Variants in RTN4 observed in about 807,000 individuals in gnomAD.
The protein encoded by RTN4 is reticulon 4, also known as reticulon-4.
In RTN4, 32 loss-of-function variants were observed where a neutral mutation model predicts 90.4. The ratio of observed to expected loss-of-function variants is 0.35; its 90% CI spans 0.27 to 0.48. The LOEUF is 0.48. Ranked by LOEUF, RTN4 falls within the 20% of genes least tolerant of loss-of-function variation. The probability of loss-of-function intolerance (pLI) is 0.99; values close to 1 mark genes in which losing one functional copy is unlikely to be tolerated. For missense variants in RTN4, 1,706 were observed against 1,430.2 expected (o/e 1.19, Z -3.11); for synonymous variants, 629 against 552.5 (o/e 1.14, Z -1.94).
chr2:55,040,927 A>G (rs1187982366), intron 1 of RTN4, among the ~76,000 whole-genome samples: 7 of 152,032 alleles, frequency 4.6e-5, no homozygotes, highest in Admixed American at 2.0e-4. Context: ...AATTCCATCA[A>G]TGAGAAAAAC....
At chr2:55,055,465 C>G (rs547432892), upstream of RTN4, among the ~76,000 whole-genome samples, 4 of 152,114 alleles carry the variant, frequency 2.6e-5, no homozygotes, top group South Asian at 8.3e-4. Flanking sequence ...TTCATTGATT[C>G]AACTAAAACC....
At chr2:55,069,719 C>T (rs1025124439) in intron 2 of RTN4, among the ~76,000 whole-genome samples, 1 of 152,210 alleles carries the variant, frequency 6.6e-6, no homozygotes, top group African/African-American at 2.4e-5. Flanking sequence ...ACCGACATTC[C>T]TGGGGGCACC....
At chr2:55,099,779 G>C (rs899057963) in intron 1 of RTN4, among the ~76,000 whole-genome samples, 2 of 152,090 alleles carry the variant, frequency 1.3e-5, no homozygotes, top group Non-Finnish European at 2.9e-5. Context: ...ATTGTGAAAA[G>C]AGAATAATAA....
At chr2:55,028,649 T>C (rs1165292790) in intron 1 of RTN4, among the ~76,000 whole-genome samples, 1 of 152,234 alleles carries the variant, frequency 6.6e-6, no homozygotes, top group African/African-American at 2.4e-5. Context: ...CTTTTGTTAT[T>C]GGCATATATT....
upstream of RTN4, among the ~76,000 whole-genome samples, chr2:55,114,148 T>C (rs927696214): frequency 6.6e-5 from 10 of 152,270 alleles, no homozygotes; most frequent in South Asian, 2.1e-4. Flanking sequence ...TTTGGAATCG[T>C]CTGTCTTTAC....
At chr2:55,125,212 G>C in the RTN4 span, among the ~76,000 whole-genome samples, 1 of 152,190 alleles carries the variant, frequency 6.6e-6, no homozygotes, top group African/African-American at 2.4e-5. Flanking sequence ...AAAATTTCAT[G>C]AGAAAGACAC....
At chr2:55,010,779 A>AT (rs1680576563) in intron 3 of RTN4, among the ~76,000 whole-genome samples, 1 of 152,202 alleles carries the variant, frequency 6.6e-6, no homozygotes, top group Non-Finnish European at 1.5e-5. Context: ...TATTGAACAT[A>AT]TTATTTGAAC....
At chr2:55,063,370 C>T (rs894477607) in intron 2 of RTN4, among the ~76,000 whole-genome samples, 4 of 152,012 alleles carry the variant, frequency 2.6e-5, no homozygotes, top group African/African-American at 9.7e-5. Context: ...ACAGAGGAGA[C>T]TGCGTGTGGG....
rs186870675 is a variant in RTN4 at position 55,059,214 on chromosome 2, C to A, written c.-63+21275G>T. Among the ~76,000 whole-genome samples the A allele has an allele frequency of 2.9e-3, 446 of 151,946 alleles. 2 individuals carry two copies. Among genetic ancestry groups the A allele is most frequent in the Middle Eastern group, 6.8e-3 (2 of 294 alleles). ...AGCTCTTTGTAAATGTAAAGCACCACAGAAAAATAAGGTATTTGTTGGGAC... is the reference window on the plus strand; with the variant it reads ...AGCTCTTTGTAAATGTAAAGCACCAAAGAAAAATAAGGTATTTGTTGGGAC... On this transcript the variant is annotated intron_variant, in intron 2 of 3. Coordinates refer to the RTN4 transcript ENST00000427710.
chr2:55,037,326 C>T (rs1018326051), intron 1 of RTN4, among the ~76,000 whole-genome samples: 1 of 152,236 alleles, frequency 6.6e-6, no homozygotes, highest in African/African-American at 2.4e-5. Context: ...TGTTTTTACA[C>T]ATCTTCCCTT....
At chr2:55,119,650 G>A in the RTN4 span, among the ~76,000 whole-genome samples, 2 of 152,204 alleles carry the variant, frequency 1.3e-5, no homozygotes, top group East Asian at 1.9e-4. Context: ...TAGTGAAAAT[G>A]ATGAAAGTAT....
At chr2:55,032,306 T>C (rs996125902) in intron 1 of RTN4, among the ~76,000 whole-genome samples, 14 of 152,174 alleles carry the variant, frequency 9.2e-5, no homozygotes, top group East Asian at 5.8e-4. Flanking sequence ...CTCAAACTCC[T>C]GACCTCAAGT....
chr2:55,109,030 T>C (rs1667991514), intron 1 of RTN4, among the ~76,000 whole-genome samples: 1 of 152,084 alleles, frequency 6.6e-6, no homozygotes, highest in Non-Finnish European at 1.5e-5. Context: ...GTACAATTTC[T>C]AAATTATGAG....
chr2:55,046,490 A>AC (rs1211562463), intron 1 of RTN4, among the ~76,000 whole-genome samples: 1 of 152,034 alleles, frequency 6.6e-6, no homozygotes. Context: ...CTCAAATCTC[A>AC]CCTTCTAAGC....
chr2:54,979,310 G>A (rs1677929704), intron 5 of RTN4, among the ~76,000 whole-genome samples: 1 of 151,852 alleles, frequency 6.6e-6, no homozygotes, highest in South Asian at 2.1e-4. Context: ...CTTCCGCCTT[G>A]GCCTCCCAAA....
At chr2:55,037,475 T>G (rs1452676418) in intron 1 of RTN4, among the ~76,000 whole-genome samples, 1 of 152,230 alleles carries the variant, frequency 6.6e-6, no homozygotes, top group African/African-American at 2.4e-5. Flanking sequence ...TTTCTGTCTA[T>G]AATACAACCT....
chr2:55,017,502 G>A (rs980737085), intron 3 of RTN4, among the ~76,000 whole-genome samples: 2 of 152,000 alleles, frequency 1.3e-5, no homozygotes, highest in Non-Finnish European at 2.9e-5. Context: ...ATGTATGGTC[G>A]GTTTACACTT....
At chr2:55,066,073 T>A (rs544460419) in intron 2 of RTN4, among the ~76,000 whole-genome samples, 18 of 152,318 alleles carry the variant, frequency 1.2e-4, no homozygotes, top group Admixed American at 1.0e-3. Context: ...TAGAAATTTT[T>A]AAAAAGAATA....
intron 3 of RTN4, among the ~76,000 whole-genome samples, chr2:54,992,825 T>G (rs1333512240): frequency 6.6e-6 from 1 of 152,026 alleles, no homozygotes; most frequent in African/African-American, 2.4e-5. Context: ...ATCTCAGCAC[T>G]TTAGAAGGCC....
Sources: allele counts gnomAD v4.1 joint callset (sites outside exome capture counted in the v4.1 genomes callset), GRCh38; gene constraint gnomAD v4.1.1; transcripts MANE v1.5; gene names NCBI Gene and HGNC (gene_info 2026-07-23, HGNC 2026-07-21).